The following PRKDC variants were observed in gnomAD, a reference collection of about 807,000 sequenced individuals.
PRKDC encodes protein kinase, DNA-activated, catalytic subunit.
In PRKDC, 82 loss-of-function variants were observed where a neutral mutation model predicts 486.9. That is an observed-to-expected ratio of 0.17 (90% confidence interval 0.14 to 0.20). The LOEUF (loss-of-function observed/expected upper bound fraction) is 0.20. Among genes scored for constraint, PRKDC ranks in the 10% least tolerant of loss-of-function variants. PRKDC has a pLI of 1.00. For missense variants in PRKDC, 4,504 were observed against 5,038.2 expected (o/e 0.89, Z 3.21); for synonymous variants, 1,895 against 1,837.0 (o/e 1.03, Z -0.81).
intron 54 of PRKDC, among the ~76,000 whole-genome samples, chr8:47,842,884 C>G (rs1589736003): frequency 6.6e-6 from 1 of 152,124 alleles, no homozygotes; most frequent in East Asian, 1.9e-4. Flanking sequence ...AATGAACAAG[C>G]CAGGCGTGGT....
At chr8:47,866,927 G>A (rs530487331) in intron 40 of PRKDC, among the ~76,000 whole-genome samples, 1 of 152,138 alleles carries the variant, frequency 6.6e-6, no homozygotes, top group East Asian at 1.9e-4. Context: ...TTGTAATGAT[G>A]GGGTTCTGCT....
chr8:47,920,443 G>T (rs773928644), intron 21 of PRKDC, among the ~76,000 whole-genome samples: 1 of 152,176 alleles, frequency 6.6e-6, no homozygotes, highest in African/African-American at 2.4e-5. Context: ...TATTTGGGGG[G>T]TATTGATAAA....
At chr8:47,919,304 T>A (rs2090036413) in intron 21 of PRKDC, among the ~76,000 whole-genome samples, 1 of 152,250 alleles carries the variant, frequency 6.6e-6, no homozygotes, top group Non-Finnish European at 1.5e-5. Flanking sequence ...TAAAAAATCA[T>A]ATGCCAGTAA....
At chr8:47,825,131 C>T (rs1449251683) in intron 63 of PRKDC, among the ~76,000 whole-genome samples, 2 of 152,138 alleles carry the variant, frequency 1.3e-5, no homozygotes, top group African/African-American at 4.8e-5. Flanking sequence ...GGGAGAGCTA[C>T]ATTCTGCATA....
In PRKDC at chr8:47,932,106, CAG is replaced by C. The variant is rs201721422; in HGVS notation, c.1776+912_1776+913del. ...GTTTGTTTGTTTGTTTGTTTTGAGACAGAGTCTCGCTCTGTCGCCCAGGCTGG... is the reference window on the plus strand; with the variant it reads ...GTTTGTTTGTTTGTTTGTTTTGAGACAGTCTCGCTCTGTCGCCCAGGCTGG... On this transcript the variant is annotated intron_variant, in intron 16 of 85. Transcript: ENST00000314191. Among the ~76,000 whole-genome samples, 1,400 of 146,924 alleles carry C rather than the reference CAG, an allele frequency of 9.5e-3. 17 individuals are homozygous for C. Among genetic ancestry groups the C allele is most frequent in the African/African-American group, 0.034 (1,326 of 39,494 alleles).
chr8:47,832,486 T>C (rs887890230), intron 59 of PRKDC, among the ~76,000 whole-genome samples: 9 of 152,014 alleles, frequency 5.9e-5, no homozygotes, highest in Non-Finnish European at 1.2e-4. Flanking sequence ...GGAAAAAATT[T>C]CAAAACATGA....
intron 40 of PRKDC, among the ~76,000 whole-genome samples, chr8:47,875,924 T>A (rs1293528302): frequency 6.6e-6 from 1 of 152,198 alleles, no homozygotes; most frequent in African/African-American, 2.4e-5. Context: ...ATGATATTTT[T>A]AAAAATATCA....
intron 21 of PRKDC, among the ~76,000 whole-genome samples, chr8:47,925,804 C>T (rs1485705610): frequency 6.6e-6 from 1 of 152,130 alleles, no homozygotes; most frequent in African/African-American, 2.4e-5. Context: ...GTACATGCAA[C>T]AACATAAATG....
In PRKDC at chr8:47,943,843, A is replaced by T; in HGVS notation, c.808+10T>A. The T allele has an allele frequency of 6.4e-7, 1 of 1,573,696 alleles. No individual in the cohort carries two copies. The highest frequency in any genetic ancestry group is 1.2e-5 in the South Asian group (1 of 85,614). On this transcript the variant is annotated intron_variant, in intron 9 of 85. Transcript: ENST00000314191. ...TAAAATATTATACCTCATTATAAAC[A>T]GAATCCTACCTGAGGGCACAGCATA...
chr8:47,947,631 G>A (rs941836956), intron 7 of PRKDC, among the ~76,000 whole-genome samples: 4 of 152,188 alleles, frequency 2.6e-5, no homozygotes, highest in Admixed American at 6.6e-5. Context: ...AGTTGGGGCC[G>A]GGTACAGTGG....
At chr8:47,941,067 T>C (rs1589808372) in intron 10 of PRKDC, among the ~76,000 whole-genome samples, 2 of 149,742 alleles carry the variant, frequency 1.3e-5, no homozygotes, top group Non-Finnish European at 3.0e-5. Context: ...GAGGCAGAGG[T>C]TGCAGTAACC....
At chr8:47,783,539 G>A (rs999765641) in intron 78 of PRKDC, among the ~76,000 whole-genome samples, 34 of 151,828 alleles carry the variant, frequency 2.2e-4, no homozygotes, top group Admixed American at 1.8e-3. Flanking sequence ...GCAGTGAGCC[G>A]AGACCGTCCC....
intron 13 of PRKDC, among the ~76,000 whole-genome samples, chr8:47,935,469 C>T (rs2090333144): frequency 1.3e-5 from 2 of 151,674 alleles, no homozygotes; most frequent in South Asian, 4.2e-4. Context: ...CACTGCACTC[C>T]AGCCTGGGGG....
At chr8:47,885,315 C>T (rs2089302556) in intron 36 of PRKDC, among the ~76,000 whole-genome samples, 1 of 151,984 alleles carries the variant, frequency 6.6e-6, no homozygotes, top group Non-Finnish European at 1.5e-5. Context: ...CCATGCCTGG[C>T]TAATTTTTTG....
At chr8:47,879,732 G>GT (rs1229834643) in intron 38 of PRKDC, 74 bp from the exon 39 acceptor site, 1 of 1,218,568 alleles carries the variant, frequency 8.2e-7, no homozygotes, top group Non-Finnish European at 1.1e-6. Flanking sequence ...TAAAATTACT[G>GT]TAAGACATTG....
At chr8:47,784,036 A>T in intron 77 of PRKDC, 1 of 500,916 alleles carries the variant, frequency 2.0e-6, no homozygotes, top group Non-Finnish European at 3.6e-6. Flanking sequence ...AGGCGAGCAG[A>T]TCATGAGGTC....
Position 47,864,706 on chromosome 8 carries a change from C to A in PRKDC, c.5421G>T (p.Lys1807Asn). ...LLESVYEMFR[K>N]DDPRLSFTRQ... ...GTGTGAAACTTAGGCGGGGGTCATC[C>A]TTCCTGAACATTTCATACACGCTTT... The change falls in exon 41 of 86, where the codon AAG becomes AAT. Residue 1807 changes from lysine (K) to asparagine (N), a missense_variant. By Grantham distance (94) the Lys-to-Asn change is moderately conservative. Transcript: ENST00000314191. The A allele has an allele frequency of 1.2e-6, 2 of 1,606,772 alleles. No individual in the cohort carries two copies. Among genetic ancestry groups the A allele is most frequent in the Non-Finnish European group, 1.7e-6 (2 of 1,176,406 alleles).
At chr8:47,815,058 T>A (rs2087415016) in intron 68 of PRKDC, among the ~76,000 whole-genome samples, 1 of 152,012 alleles carries the variant, frequency 6.6e-6, no homozygotes, top group African/African-American at 2.4e-5. Flanking sequence ...CCCAGCTACT[T>A]GAGAGGCTGA....
intron 7 of PRKDC, among the ~76,000 whole-genome samples, chr8:47,950,138 G>A (rs2090603889): frequency 6.6e-6 from 1 of 152,112 alleles, no homozygotes; most frequent in African/African-American, 2.4e-5. Context: ...TGAGCATGGT[G>A]GCACACGCCT....
Sources: allele counts gnomAD v4.1 joint callset (sites outside exome capture counted in the v4.1 genomes callset), GRCh38; gene constraint gnomAD v4.1.1; transcripts MANE v1.5; gene names NCBI Gene and HGNC (gene_info 2026-07-23, HGNC 2026-07-21).